WFDC11: variants seen among roughly 807,000 people sequenced by gnomAD.
WFDC11 encodes WAP four-disulfide core domain 11.
In WFDC11, 9 loss-of-function variants were observed where a neutral mutation model predicts 9.9. That is an observed-to-expected ratio of 0.91 (90% CI 0.55 to 1.58). The LOEUF (loss-of-function observed/expected upper bound fraction) is 1.58, where lower values mean the gene tolerates loss of function less well. WFDC11 is among the 40% of genes most tolerant of loss of function. WFDC11 has a pLI of 0.00. For missense variants in WFDC11, 106 were observed against 101.7 expected, an observed-to-expected ratio of 1.04 and a Z score of -0.18; for synonymous variants, 32 against 33.3, an observed-to-expected ratio of 0.96 and a Z score of 0.13.
At chr20:45,655,881 A>G (rs1000863498) in intron 2 of WFDC11, among the ~76,000 whole-genome samples, 11 of 152,160 alleles carry the variant, frequency 7.2e-5, no homozygotes, top group African/African-American at 1.4e-4. Context: ...TACAATGGAC[A>G]TGAAGGACCT....
chr20:45,660,549 A>C (rs1000597623), intron 2 of WFDC11, among the ~76,000 whole-genome samples: 4 of 152,028 alleles, frequency 2.6e-5, no homozygotes, highest in South Asian at 2.1e-4. Context: ...ATATCTCCCA[A>C]TGCTATCCCT....
intron 1 of WFDC11, 46 bp downstream of exon 1, chr20:45,670,132 C>G (rs1016035284): frequency 4.6e-5 from 7 of 151,334 alleles, no homozygotes; most frequent in Non-Finnish European, 8.8e-5. Flanking sequence ...TTGAACAGAC[C>G]AATAACAAGT....
intron 2 of WFDC11, among the ~76,000 whole-genome samples, chr20:45,655,126 C>T (rs1223988239): frequency 6.6e-6 from 1 of 152,120 alleles, no homozygotes; most frequent in Non-Finnish European, 1.5e-5. Flanking sequence ...AGAGACACTA[C>T]CATAAAAGAT....
chr20:45,663,240 TGTATTTCTGTGGGATTGGTG>T (rs1250285625), intron 2 of WFDC11, among the ~76,000 whole-genome samples: 3 of 152,236 alleles, frequency 2.0e-5, no homozygotes, highest in African/African-American at 7.2e-5. Context: ...GATGGTAGTT[TGTATTTCTGTGGGATTGGTG>T]GTGATAGCCC....
chr20:45,648,821 A>G (rs1982739285), intron 4 of WFDC11, 82 bp from the exon 5 acceptor site: 1 of 1,395,772 alleles, frequency 7.2e-7, no homozygotes, highest in Non-Finnish European at 1.0e-6. Flanking sequence ...AATAGTATCC[A>G]TGTTCACCAG....
intron 2 of WFDC11, among the ~76,000 whole-genome samples, chr20:45,663,261 G>T (rs1024149253): frequency 2.4e-4 from 37 of 152,018 alleles, no homozygotes; most frequent in African/African-American, 8.7e-4. Flanking sequence ...GGGATTGGTG[G>T]TGATAGCCCC....
chr20:45,653,763 A>G (rs555023520), intron 2 of WFDC11, among the ~76,000 whole-genome samples: 1 of 152,324 alleles, frequency 6.6e-6, no homozygotes, highest in Admixed American at 6.5e-5. Context: ...AAAACAAAAA[A>G]AGTCAGGGGT....
At chr20:45,649,950 CATCAT>C (rs1221506284) in intron 3 of WFDC11, among the ~76,000 whole-genome samples, 1 of 152,030 alleles carries the variant, frequency 6.6e-6, no homozygotes, top group East Asian at 1.9e-4. Context: ...CCCATTTTCT[CATCAT>C]ATGACCCCCA....
At chr20:45,658,548 A>G (rs767587686) in intron 2 of WFDC11, among the ~76,000 whole-genome samples, 95 of 151,920 alleles carry the variant, frequency 6.3e-4, no homozygotes, top group Non-Finnish European at 1.1e-3. Context: ...CAGTTGTAAT[A>G]TCTCCCATTT....
chr20:45,665,018 T>C (rs1471276275), intron 2 of WFDC11, among the ~76,000 whole-genome samples: 1 of 152,270 alleles, frequency 6.6e-6, no homozygotes, highest in Non-Finnish European at 1.5e-5. Context: ...GTTTTCCAAC[T>C]TGGTTCCATT....
chr20:45,653,555 G>A (rs1382970176), intron 2 of WFDC11, among the ~76,000 whole-genome samples: 1 of 151,720 alleles, frequency 6.6e-6, no homozygotes, highest in Non-Finnish European at 1.5e-5. Flanking sequence ...ACATCATAAT[G>A]ACAGGATCAA....
intron 2 of WFDC11, among the ~76,000 whole-genome samples, chr20:45,657,931 C>T (rs1409466016): frequency 6.6e-6 from 1 of 152,106 alleles, no homozygotes; most frequent in Non-Finnish European, 1.5e-5. Context: ...AGCAATTCCA[C>T]TATATCGATG....
chr20:45,655,920 A>C (rs1030967706), intron 2 of WFDC11, among the ~76,000 whole-genome samples: 2 of 152,206 alleles, frequency 1.3e-5, no homozygotes, highest in Non-Finnish European at 2.9e-5. Flanking sequence ...ACCACTGCTC[A>C]ATGAAATAAA....
chr20:45,655,227 A>T (rs1402798088), intron 2 of WFDC11, among the ~76,000 whole-genome samples: 1 of 152,222 alleles, frequency 6.6e-6, no homozygotes, highest in East Asian at 1.9e-4. Flanking sequence ...CAAAAAGCTT[A>T]TCCACCATGA....
chr20:45,653,381 GA>G (rs781100909), intron 2 of WFDC11, among the ~76,000 whole-genome samples: 1 of 152,114 alleles, frequency 6.6e-6, no homozygotes, highest in Non-Finnish European at 1.5e-5. Flanking sequence ...CAAATGCTGA[GA>G]GATTTTATAA....
At chr20:45,656,315 G>A (rs1345321779) in intron 2 of WFDC11, among the ~76,000 whole-genome samples, 2 of 152,148 alleles carry the variant, frequency 1.3e-5, no homozygotes, top group African/African-American at 4.8e-5. Context: ...TGACAAACCT[G>A]AGAAAAACAA....
chr20:45,657,531 T>A lies in WFDC11; in HGVS notation c.-51-6880A>T, dbSNP rs147879308. Among the ~76,000 whole-genome samples the A allele has an allele frequency of 1.9e-3, 288 of 152,212 alleles. 3 individuals carry two copies. Among genetic ancestry groups the A allele is most frequent in the African/African-American group, 6.5e-3 (269 of 41,532 alleles). The stretch of plus-strand genomic sequence containing the variant: ...CACACCAATATGGCACATGTATACA[T>A]GTGTAACTAACCTGCACGTTGTGCA... On this transcript the variant is annotated intron_variant, in intron 2 of 4. Coordinates refer to ENST00000324384, the MANE Select transcript of WFDC11 (RefSeq NM_147197.2).
intron 2 of WFDC11, among the ~76,000 whole-genome samples, chr20:45,660,670 G>T (rs1983038509): frequency 6.6e-6 from 1 of 151,972 alleles, no homozygotes; most frequent in Non-Finnish European, 1.5e-5. Flanking sequence ...GCGGTGTTTG[G>T]TTTTTTTGTT....
intron 4 of WFDC11, among the ~76,000 whole-genome samples, 191 bp from the exon 5 acceptor site, chr20:45,648,930 G>A (rs145065436): frequency 6.6e-6 from 1 of 152,214 alleles, no homozygotes; most frequent in Non-Finnish European, 1.5e-5. Context: ...GGGCCTGGCT[G>A]AGCCAAATGG....
Sources: gnomAD v4.1 joint callset for allele counts (sites outside exome capture counted in the v4.1 genomes callset) on GRCh38, gnomAD v4.1.1 for gene constraint, MANE v1.5 for transcripts, NCBI Gene and HGNC (gene_info 2026-07-23, HGNC 2026-07-21) for gene names.